Variants in ADCY2 observed in about 807,000 individuals in gnomAD.
ADCY2 encodes the protein adenylate cyclase type 2.
In ADCY2, 31 loss-of-function variants were observed where a neutral mutation model predicts 125.2. The observed-to-expected ratio is 0.25, with a 90% CI of 0.19 to 0.33. ADCY2 has a LOEUF of 0.33. Among genes scored for constraint, ADCY2 ranks in the 10% least tolerant of loss-of-function variants. ADCY2 has a pLI of 1.00. For missense variants in ADCY2, 904 were observed against 1,418.2 expected, an observed-to-expected ratio of 0.64 and a Z score of 5.82; for synonymous variants, 512 against 548.4, an observed-to-expected ratio of 0.93 and a Z score of 0.93.
intron 4 of ADCY2, among the ~76,000 whole-genome samples, chr5:7,666,082 C>T (rs1207264451): frequency 6.6e-6 from 1 of 150,778 alleles, no homozygotes; most frequent in East Asian, 2.0e-4. Context: ...TCGTGATCCG[C>T]CCGCCTTGGC....
intron 2 of ADCY2, among the ~76,000 whole-genome samples, chr5:7,519,481 T>A (rs1744367102): frequency 6.6e-6 from 1 of 152,174 alleles, no homozygotes; most frequent in Non-Finnish European, 1.5e-5. Context: ...GCTGGCCACA[T>A]GTCCCATTCC....
At chr5:7,609,255 T>G (rs1737490047) in intron 3 of ADCY2, among the ~76,000 whole-genome samples, 1 of 152,238 alleles carries the variant, frequency 6.6e-6, no homozygotes, top group Non-Finnish European at 1.5e-5. Flanking sequence ...ATGAAGCAAC[T>G]ACAAAGTTTT....
rs977064547 is a variant in ADCY2, at chr5:7,817,052, T to C, written c.2998+72T>C. 14 of 1,142,874 alleles carry C rather than the reference T, an allele frequency of 1.2e-5. No individual in the cohort carries two copies. In the Admixed American group the frequency reaches 1.3e-4, roughly 11 times the overall value. 70.8% of individuals were successfully genotyped at this position (1,142,874 alleles called of 1,614,324 possible). A position where few individuals can be genotyped will look rare whatever the true frequency, so the allele number is the denominator to read the frequency against. On this transcript the variant is annotated intron_variant, in intron 23 of 24. Transcript: ENST00000338316. ...GGAATAAGGAGTAAGTCAGGAGATA[T>C]TGATGATCCTTTCAGTGTTGGAGTA...
intron 7 of ADCY2, among the ~76,000 whole-genome samples, chr5:7,700,872 G>C (rs927254888): frequency 4.6e-5 from 7 of 152,036 alleles, no homozygotes; most frequent in African/African-American, 1.7e-4. Flanking sequence ...AAGTCAATGA[G>C]AGAGTTGAGA....
chr5:7,635,271 G>A (rs1443797647), intron 4 of ADCY2, among the ~76,000 whole-genome samples: 1 of 152,142 alleles, frequency 6.6e-6, no homozygotes, highest in Non-Finnish European at 1.5e-5. Flanking sequence ...GGTTGGAGAA[G>A]GGATGAGTGT....
chr5:7,611,041 C>G (rs189796240), intron 3 of ADCY2: 1 of 152,118 alleles, frequency 6.6e-6, no homozygotes, highest in Non-Finnish European at 1.5e-5. Context: ...TTCCTTGTAG[C>G]AAGCACAGAA....
At chr5:7,824,949 T>C (rs571608692) in intron 24 of ADCY2, among the ~76,000 whole-genome samples, 32 of 152,346 alleles carry the variant, frequency 2.1e-4, no homozygotes, top group Non-Finnish European at 3.4e-4. Context: ...GCTTTGCTGT[T>C]GACACGGCCC....
chr5:7,683,745 G>A (rs935060979), intron 4 of ADCY2, among the ~76,000 whole-genome samples: 2 of 152,218 alleles, frequency 1.3e-5, no homozygotes, highest in South Asian at 2.1e-4. Context: ...ACTGCATCAT[G>A]TATCTGTCAT....
At chr5:7,420,362 A>T (rs1740148559) in intron 2 of ADCY2, among the ~76,000 whole-genome samples, 1 of 152,146 alleles carries the variant, frequency 6.6e-6, no homozygotes, top group Admixed American at 6.5e-5. Context: ...AGGAAAGAGG[A>T]GTAATTTTTC....
At chr5:7,566,689 T>G (rs954591280) in intron 3 of ADCY2, among the ~76,000 whole-genome samples, 19 of 152,218 alleles carry the variant, frequency 1.2e-4, no homozygotes, top group Admixed American at 2.6e-4. Flanking sequence ...GCCAGTTCCT[T>G]CTAGGTGAGA....
chr5:7,692,012 C>G (rs1224688335), intron 5 of ADCY2: 1 of 152,310 alleles, frequency 6.6e-6, no homozygotes, highest in Non-Finnish European at 1.5e-5. Flanking sequence ...AGGGAGAAAT[C>G]TACCCCTCTG....
intron 12 of ADCY2, among the ~76,000 whole-genome samples, chr5:7,720,461 A>T (rs1037550234): frequency 2.7e-5 from 4 of 148,272 alleles, no homozygotes; most frequent in African/African-American, 1.1e-4. Flanking sequence ...GGTTTGTTAC[A>T]TGTGTATACA....
chr5:7,717,555 C>A (rs1201846469), intron 12 of ADCY2, among the ~76,000 whole-genome samples: 1 of 152,102 alleles, frequency 6.6e-6, no homozygotes, highest in African/African-American at 2.4e-5. Context: ...TATGGGAAAA[C>A]CTTCAAATTT....
At chr5:7,466,723 A>G (rs148430051) in intron 2 of ADCY2, among the ~76,000 whole-genome samples, 25 of 152,324 alleles carry the variant, frequency 1.6e-4, no homozygotes, top group African/African-American at 5.8e-4. Context: ...AAAAATGTAA[A>G]TAATAGAGTC....
At chr5:7,422,015 G>A (rs1251442706) in intron 2 of ADCY2, among the ~76,000 whole-genome samples, 1 of 152,146 alleles carries the variant, frequency 6.6e-6, no homozygotes, top group African/African-American at 2.4e-5. Flanking sequence ...CATGCTAGAT[G>A]TTGTTGATTT....
At chr5:7,520,940 T>G (rs1455462814) in intron 3 of ADCY2, 41 bp downstream of exon 3, 1 of 1,609,368 alleles carries the variant, frequency 6.2e-7, no homozygotes, top group Admixed American at 1.7e-5. Flanking sequence ...ACTTTCCACA[T>G]CCCACCAGGG....
chr5:7,540,467 G>A (rs895349077), intron 3 of ADCY2, among the ~76,000 whole-genome samples: 7 of 152,004 alleles, frequency 4.6e-5, no homozygotes, highest in Admixed American at 2.6e-4. Flanking sequence ...TCTAATTTCC[G>A]CAATACCCCA....
intron 2 of ADCY2, among the ~76,000 whole-genome samples, chr5:7,500,276 C>G (rs1459502571): frequency 6.6e-6 from 1 of 152,150 alleles, no homozygotes; most frequent in African/African-American, 2.4e-5. Context: ...TCAACTCTTT[C>G]CTGCAGAAGA....
intron 4 of ADCY2, among the ~76,000 whole-genome samples, chr5:7,637,397 A>C (rs1442970109): frequency 6.7e-6 from 1 of 148,466 alleles, no homozygotes; most frequent in African/African-American, 2.5e-5. Flanking sequence ...ACAACACTGC[A>C]CTACAGCCTG....
Sources: gnomAD v4.1 joint callset for allele counts (sites outside exome capture counted in the v4.1 genomes callset) on GRCh38, gnomAD v4.1.1 for gene constraint, MANE v1.5 for transcripts, NCBI Gene and HGNC (gene_info 2026-07-23, HGNC 2026-07-21) for gene names.